DUOX1: variants seen among roughly 807,000 people sequenced by gnomAD.
The protein encoded by DUOX1 is dual oxidase 1.
A neutral mutation model predicts 181.8 loss-of-function variants in DUOX1; 134 were observed. The ratio of observed to expected loss-of-function variants is 0.74; its 90% CI spans 0.64 to 0.85. The LOEUF (loss-of-function observed/expected upper bound fraction) is 0.85, where lower values mean the gene tolerates loss of function less well. Among genes scored for constraint, DUOX1 ranks in the 40% least tolerant of loss-of-function variants. DUOX1 has a pLI of 0.00. For synonymous variants in DUOX1, 798 were observed against 832.5 expected, an observed-to-expected ratio of 0.96 and a Z score of 0.71; for missense variants, 1,814 against 2,064.4, an observed-to-expected ratio of 0.88 and a Z score of 2.35.
intron 24 of DUOX1, 77 bp from the exon 25 acceptor site, chr15:45,152,209 G>T: frequency 6.7e-7 from 1 of 1,490,414 alleles, no homozygotes. Flanking sequence ...GTGGCAGCCG[G>T]CCAGGGCCTA....
chr15:45,152,578 G>C (rs777300325), intron 25 of DUOX1, 62 bp downstream of exon 25: 1 of 1,423,852 alleles, frequency 7.0e-7, no homozygotes, highest in Non-Finnish European at 9.8e-7. Flanking sequence ...ACTTCCCCTC[G>C]TATGAGAGCC....
intron 33 of DUOX1, among the ~76,000 whole-genome samples, chr15:45,164,316 C>G (rs746154254): frequency 1.3e-5 from 2 of 152,134 alleles, no homozygotes; most frequent in Non-Finnish European, 2.9e-5. Context: ...TCCATGAGAC[C>G]CTGAGCTGTT....
Position 45,155,851 on chromosome 15 carries a change from TGCCTCCCACCACTTCC to T in DUOX1, c.3628_3643del (p.Ser1210AlafsTer9). ...TGATCCTGGCCATCATGTATGTCTT[TGCCTCCCACCACTTCC>T]GCCGCCGCAGTTTCCGGGGCTTCTG... On this transcript the variant is annotated frameshift_variant, in exon 28 of 34. Transcript: ENST00000389037. LOFTEE classifies it high-confidence loss of function. The T allele has an allele frequency of 6.2e-7, 1 of 1,614,088 alleles. No homozygotes were observed. The highest frequency in any genetic ancestry group is 8.5e-7 in the Non-Finnish European group (1 of 1,180,024).
chr15:45,158,782 G>A (rs1357758875), intron 28 of DUOX1, among the ~76,000 whole-genome samples: 2 of 146,526 alleles, frequency 1.4e-5, no homozygotes, highest in East Asian at 4.1e-4. Flanking sequence ...TCTCTGTAGG[G>A]CCCAGCAGCA....
At chr15:45,137,670 A>C (rs1396097179) in intron 9 of DUOX1, among the ~76,000 whole-genome samples, 1 of 152,146 alleles carries the variant, frequency 6.6e-6, no homozygotes, top group Non-Finnish European at 1.5e-5. Flanking sequence ...GTGTATATAC[A>C]TATATTGAGA....
intron 14 of DUOX1, 148 bp from the exon 15 acceptor site, chr15:45,141,827 T>C (rs1321813711): frequency 3.9e-6 from 3 of 763,742 alleles, no homozygotes; most frequent in Non-Finnish European, 6.2e-6. Context: ...GGATTCATTT[T>C]TTACCCCACT....
chr15:45,143,052 C>G, intron 15 of DUOX1, 138 bp from the exon 16 acceptor site: 1 of 659,702 alleles, frequency 1.5e-6, no homozygotes, highest in East Asian at 2.8e-5. Flanking sequence ...AGGGACCTTC[C>G]CAATCTGAAA....
Position 45,139,122 on chromosome 15 carries a change from C to T in DUOX1, c.1170C>T (p.Ser390=). The change falls in exon 11 of 34, where the codon TCC becomes TCT. Residue 390 remains serine (S), a synonymous_variant. Transcript: ENST00000389037. ...DVDALLLGMA[S]QIAEREDHVL... ...ATGCACTGCTGCTGGGCATGGCCTCCCAGATCGCAGAGCGAGAGGACCATG... is the reference window on the plus strand; with the variant it reads ...ATGCACTGCTGCTGGGCATGGCCTCTCAGATCGCAGAGCGAGAGGACCATG... The T allele has an allele frequency of 6.2e-7, 1 of 1,614,216 alleles. No individual in the cohort carries two copies. Among genetic ancestry groups the T allele is most frequent in the South Asian group, 1.1e-5 (1 of 91,086 alleles).
In DUOX1 at chr15:45,135,821, A is replaced by T; in HGVS notation, c.737A>T (p.Gln246Leu). The T allele has an allele frequency of 1.4e-6, 2 of 1,437,190 alleles. No homozygotes were observed. Among genetic ancestry groups the T allele is most frequent in the South Asian group, 2.7e-5 (2 of 73,128 alleles). The allele number at this position is 1,437,190 out of a possible 1,614,324, so 89.0% of individuals were successfully genotyped here. A position where few individuals can be genotyped will look rare whatever the true frequency, so the allele number is the denominator to read the frequency against. The change falls in exon 7 of 34, where the codon CAG (glutamine) becomes CTG (leucine). Residue 246 changes from glutamine to leucine, a missense_variant. Gln to Leu is a moderately radical substitution (Grantham distance 113, BLOSUM62 -2). Coordinates refer to ENST00000389037, the MANE Select transcript of DUOX1 (RefSeq NM_175940.3). ...AERGNREPFLQALGLLWFRYH... is the reference protein window; with the variant it reads ...AERGNREPFLLALGLLWFRYH... ...AGAGGGAACCGGGAACCCTTCCTGCAGGCGCTGGGCCTGCTCTGGTTCCGC... is the reference window on the plus strand; with the variant it reads ...AGAGGGAACCGGGAACCCTTCCTGCTGGCGCTGGGCCTGCTCTGGTTCCGC...
At chr15:45,147,331 C>A in intron 18 of DUOX1, 102 bp from the exon 19 acceptor site, 1 of 1,462,096 alleles carries the variant, frequency 6.8e-7, no homozygotes, top group Non-Finnish European at 9.2e-7. Flanking sequence ...AGAGGGGGTC[C>A]TGGGCAGACA....
intron 7 of DUOX1, 119 bp from the exon 8 acceptor site, chr15:45,136,231 C>T: frequency 1.3e-6 from 2 of 1,503,520 alleles, no homozygotes; most frequent in Non-Finnish European, 1.8e-6. Context: ...TGAGTTGCTT[C>T]TCCCATGACT....
Position 45,141,152 on chromosome 15 carries a change from G to A in DUOX1, c.1565+82G>A, listed in dbSNP as rs953016840. 4.9e-5 allele frequency: 77 copies of A among 1,584,988 alleles called. No individual in the cohort carries two copies. In the African/African-American group the frequency reaches 7.9e-4, roughly 16 times the overall value. On this transcript the variant is annotated intron_variant, in intron 13 of 33. Coordinates refer to ENST00000389037, the MANE Select transcript of DUOX1 (RefSeq NM_175940.3). Reference sequence around the variant, plus strand: ...CTTTCTGGCCTTAGACAGCCCCCATGAGCCCTTGATTCCAAGCCAGCCCAC... The same window carrying A: ...CTTTCTGGCCTTAGACAGCCCCCATAAGCCCTTGATTCCAAGCCAGCCCAC...
chr15:45,142,737 A>G (rs995334370), intron 15 of DUOX1, among the ~76,000 whole-genome samples: 5 of 148,570 alleles, frequency 3.4e-5, no homozygotes, highest in South Asian at 2.2e-4. Flanking sequence ...AAAAGAAAGA[A>G]AGAGAGAGAG....
intron 15 of DUOX1, among the ~76,000 whole-genome samples, chr15:45,142,789 G>GTAAGGAAGGAAGGA (rs1480496555): frequency 7.2e-6 from 1 of 139,762 alleles, no homozygotes; most frequent in Admixed American, 7.4e-5. Context: ...GGAAGGAAGG[G>GTAAGGAAGGAAGGA]AGGGAGGAAG....
Position 45,132,008 on chromosome 15 carries a change from G to C in DUOX1, c.42G>C (p.Gly14=). 1 of 1,612,750 alleles carries C rather than the reference G, an allele frequency of 6.2e-7. No homozygotes were observed. Among genetic ancestry groups the C allele is most frequent in the Non-Finnish European group, 8.5e-7 (1 of 1,179,610 alleles). ...CLALAWTLLV[G]AWTPLGAQNP... ...CTCTAGCATGGACACTTCTGGTTGGGGCATGGACCCCTCTGGGTGAGTACA... is the reference window on the plus strand; with the variant it reads ...CTCTAGCATGGACACTTCTGGTTGGCGCATGGACCCCTCTGGGTGAGTACA... Residue 14 remains glycine, a synonymous_variant, in exon 2 of 34, where the codon GGG becomes GGC. Transcript: ENST00000389037.
chr15:45,137,462 T>C (rs1415097682), intron 9 of DUOX1, among the ~76,000 whole-genome samples: 1 of 152,160 alleles, frequency 6.6e-6, no homozygotes, highest in East Asian at 1.9e-4. Flanking sequence ...TACAATTGCT[T>C]TATAATTTAA....
In DUOX1 at chr15:45,140,976, C is replaced by G. The variant is rs193117843; in HGVS notation, c.1471C>G (p.Arg491Gly). The G allele has an allele frequency of 1.9e-6, 3 of 1,614,122 alleles. No homozygotes were observed. The Admixed American group carries it at 5.0e-5, about 27-fold the overall frequency. The change falls in exon 13 of 34, where the codon CGG becomes GGG. Residue 491 changes from arginine (R) to glycine (G), a missense_variant. By Grantham distance (125) the Arg-to-Gly change is moderately radical. This residue lies in a region of DUOX1 where 1,064 missense variants were observed against 1,152.9 expected (regional missense o/e 0.92). Coordinates refer to ENST00000389037, the MANE Select transcript of DUOX1 (RefSeq NM_175940.3). ...LLPGGLLESH[R>G]DPGPLFSTIV... Reference sequence around the variant, plus strand: ...CCCTGGGGGACTCCTGGAGAGCCACCGGGACCCTGGACCTCTGTTCAGCAC... The same window carrying G: ...CCCTGGGGGACTCCTGGAGAGCCACGGGGACCCTGGACCTCTGTTCAGCAC...
At chr15:45,152,763 G>A (rs780333285) in intron 25 of DUOX1, 9 of 589,356 alleles carry the variant, frequency 1.5e-5, no homozygotes, top group Middle Eastern at 4.5e-4. Context: ...ACCCCAGAAT[G>A]AGTGTGCATA....
rs1373733440 is a variant in DUOX1, at chr15:45,152,377, C to A, written c.3285C>A (p.Phe1095Leu). ...LSRGTAASIS[F>L]MFSYILLTMC... is the part of the protein sequence containing the mutation. ...GGGGCACAGCAGCCAGCATCTCTTT[C>A]ATGTTCTCCTACATCTTGCTCACCA... Residue 1095 changes from phenylalanine (F) to leucine (L), a missense_variant, in exon 25 of 34, where the codon TTC becomes TTA. By Grantham distance (22) the Phe-to-Leu change is conservative (BLOSUM62 0). Coordinates refer to ENST00000389037, the MANE Select transcript of DUOX1 (RefSeq NM_175940.3). 1.2e-6 allele frequency: 2 copies of A among 1,614,254 alleles called. No individual in the cohort carries two copies. Among genetic ancestry groups the A allele is most frequent in the Middle Eastern group, 1.6e-4 (1 of 6,062 alleles).
Sources: gnomAD v4.1 joint callset for allele counts (sites outside exome capture counted in the v4.1 genomes callset) on GRCh38, gnomAD v4.1.1 for gene constraint, gnomAD v4.1.1 regional missense constraint, MANE v1.5 for transcripts, NCBI Gene and HGNC (gene_info 2026-07-23, HGNC 2026-07-21) for gene names.